Variants in LRRC28 observed in about 807,000 individuals in gnomAD.
LRRC28 encodes leucine rich repeat containing 28, also known as leucine-rich repeat-containing protein 28.
Under a neutral mutation model 45.7 loss-of-function variants are expected in LRRC28, and 39 were observed. The ratio of observed to expected loss-of-function variants is 0.85; its 90% CI spans 0.66 to 1.12. LRRC28 has a LOEUF of 1.12. Ranked by LOEUF, LRRC28 falls within the 50% of genes most tolerant of loss-of-function variation. The pLI, the probability that LRRC28 is intolerant of heterozygous loss-of-function variation, is 0.00. For synonymous variants in LRRC28, 206 were observed against 178.8 expected, an observed-to-expected ratio of 1.15 and a Z score of -1.22; for missense variants, 435 against 438.5, an observed-to-expected ratio of 0.99 and a Z score of 0.07.
chr15:99,386,201 C>T lies in LRRC28; in HGVS notation c.*99C>T, dbSNP rs1957985590. The T allele has an allele frequency of 5.5e-6, 5 of 904,232 alleles. No individual in the cohort carries two copies. The highest frequency in any genetic ancestry group is 9.1e-6 in the Non-Finnish European group (5 of 547,868). 56.0% of individuals were successfully genotyped at this position (904,232 alleles called of 1,614,324 possible). A position where few individuals can be genotyped will look rare whatever the true frequency, so the allele number is the denominator to read the frequency against. On this transcript the variant is annotated 3_prime_UTR_variant, in exon 10 of 10. Transcript: ENST00000301981. Reference sequence around the variant, plus strand: ...TCCTGTCCTGTCCAATGCGGGGGCACTGCAGAACTCTCTAGAAATGTCATG... The same window carrying T: ...TCCTGTCCTGTCCAATGCGGGGGCATTGCAGAACTCTCTAGAAATGTCATG...
chr15:99,383,158 C>G (rs1252562624), intron 9 of LRRC28, among the ~76,000 whole-genome samples: 1 of 152,192 alleles, frequency 6.6e-6, no homozygotes, highest in Non-Finnish European at 1.5e-5. Context: ...GGCTTATCTA[C>G]TTTCTGTCTC....
chr15:99,319,160 G>A (rs780147616), intron 5 of LRRC28, among the ~76,000 whole-genome samples: 22 of 152,054 alleles, frequency 1.4e-4, no homozygotes, highest in Admixed American at 6.6e-5. Flanking sequence ...TATTTCTTAA[G>A]GCAATGATTA....
At chr15:99,356,276 T>G (rs529749712) in intron 7 of LRRC28, among the ~76,000 whole-genome samples, 3 of 152,298 alleles carry the variant, frequency 2.0e-5, no homozygotes, top group South Asian at 4.1e-4. Flanking sequence ...ATGACCCAGA[T>G]TGTTGAAGTG....
chr15:99,323,307 G>C lies in LRRC28; in HGVS notation c.386-10616G>C, dbSNP rs183258600. 2.1e-3 allele frequency among the ~76,000 whole-genome samples: 318 copies of C among 152,244 alleles called. 1 individual carries two copies. Among genetic ancestry groups the C allele is most frequent in the Non-Finnish European group, 3.6e-3 (248 of 68,010 alleles). Reference sequence around the variant, plus strand: ...TAAGTACAATAATTTGGTGTTAAAGGATTTTAATCCTCATATCAGAGAGTC... The same window carrying C: ...TAAGTACAATAATTTGGTGTTAAAGCATTTTAATCCTCATATCAGAGAGTC... On this transcript the variant is annotated intron_variant, in intron 5 of 9. Coordinates refer to ENST00000301981, the MANE Select transcript of LRRC28 (RefSeq NM_144598.5).
rs1230599614 is a variant in LRRC28 at position 99,279,215 on chromosome 15, G to T, written c.209+2599G>T. On this transcript the variant is annotated intron_variant, in intron 3 of 9. Coordinates refer to ENST00000301981, the MANE Select transcript of LRRC28 (RefSeq NM_144598.5). ...AATGTTTTCAAGGTTTATTCATGTT[G>T]TAGCAGGTATCAGAATTAATTCCTT... is the stretch of plus-strand genomic sequence containing the variant. Among the ~76,000 whole-genome samples, 4 of 152,206 alleles carry T rather than the reference G, an allele frequency of 2.6e-5. 1 individual carries two copies. In the East Asian group the frequency reaches 7.7e-4, roughly 29 times the overall value.
intron 5 of LRRC28, among the ~76,000 whole-genome samples, chr15:99,297,047 G>C (rs1031190910): frequency 6.6e-6 from 1 of 151,946 alleles, no homozygotes; most frequent in African/African-American, 2.4e-5. Context: ...CGGGTGTGGT[G>C]GTGGGCGCCT....
intron 5 of LRRC28, among the ~76,000 whole-genome samples, chr15:99,327,379 T>C (rs556924561): frequency 8.5e-5 from 13 of 152,326 alleles, no homozygotes; most frequent in Non-Finnish European, 1.6e-4. Context: ...ACTAATTCAG[T>C]TTTTTAACTT....
chr15:99,285,161 CTCAG>C (rs2081924587), intron 3 of LRRC28: 1 of 723,702 alleles, frequency 1.4e-6, no homozygotes, highest in South Asian at 1.3e-5. Flanking sequence ...TTGTCACTGC[CTCAG>C]TCAGTCATGA....
chr15:99,379,173 T>C (rs1360777113), intron 9 of LRRC28, among the ~76,000 whole-genome samples: 1 of 152,152 alleles, frequency 6.6e-6, no homozygotes, highest in East Asian at 1.9e-4. Flanking sequence ...GTCCTGGACT[T>C]TTTTTGGTTG....
At chr15:99,272,572 T>A (rs973820660) in intron 2 of LRRC28, among the ~76,000 whole-genome samples, 5 of 152,216 alleles carry the variant, frequency 3.3e-5, no homozygotes, top group Non-Finnish European at 7.3e-5. Context: ...ACATTCCCAT[T>A]TAAGTGGAGT....
chr15:99,257,767 A>G (rs550088130), intron 2 of LRRC28: 5 of 776,882 alleles, frequency 6.4e-6, no homozygotes, highest in Admixed American at 5.1e-5. Context: ...AGGATGGATG[A>G]TGAAGTAGTA....
chr15:99,384,101 G>C (rs1957911989), intron 9 of LRRC28, among the ~76,000 whole-genome samples: 3 of 152,312 alleles, frequency 2.0e-5, no homozygotes, highest in Admixed American at 1.3e-4. Flanking sequence ...TCCAGGAGTA[G>C]ACCTTTCAAT....
At chr15:99,271,401 C>G (rs898920887) in intron 2 of LRRC28, among the ~76,000 whole-genome samples, 1 of 151,798 alleles carries the variant, frequency 6.6e-6, no homozygotes, top group African/African-American at 2.4e-5. Context: ...GCCTCAGCCT[C>G]CCAAATAGCT....
intron 5 of LRRC28, 142 bp downstream of exon 5, chr15:99,288,093 G>A: frequency 1.3e-6 from 1 of 784,420 alleles, no homozygotes; most frequent in South Asian, 4.3e-5. Flanking sequence ...TAAAGAATGG[G>A]TGAAATATTA....
At chr15:99,297,706 G>T (rs962639303) in intron 5 of LRRC28, among the ~76,000 whole-genome samples, 1 of 151,020 alleles carries the variant, frequency 6.6e-6, no homozygotes, top group Non-Finnish European at 1.5e-5. Flanking sequence ...TTTAAATTTA[G>T]ATTTTTACAT....
intron 2 of LRRC28, among the ~76,000 whole-genome samples, chr15:99,264,087 G>A (rs1423968835): frequency 6.6e-6 from 1 of 152,220 alleles, no homozygotes; most frequent in Non-Finnish European, 1.5e-5. Flanking sequence ...GAAGGGTGCT[G>A]CTCATAGGCC....
chr15:99,349,109 T>C (rs2152312789), intron 6 of LRRC28, among the ~76,000 whole-genome samples: 1 of 152,320 alleles, frequency 6.6e-6, no homozygotes, highest in South Asian at 2.1e-4. Context: ...CTATGAATTT[T>C]ATACGTTGAA....
intron 6 of LRRC28, chr15:99,337,837 G>T (rs1956376631): frequency 6.6e-6 from 1 of 152,308 alleles, no homozygotes; most frequent in South Asian, 2.1e-4. Context: ...GGGCCTGTGA[G>T]TAGGTTTTAC....
chr15:99,275,124 G>GTA (rs1248249404), intron 2 of LRRC28, among the ~76,000 whole-genome samples: 1 of 152,172 alleles, frequency 6.6e-6, no homozygotes, highest in Non-Finnish European at 1.5e-5. Context: ...GATATTATAT[G>GTA]TATATATATG....
Sources: gnomAD v4.1 joint callset for allele counts (sites outside exome capture counted in the v4.1 genomes callset) on GRCh38, gnomAD v4.1.1 for gene constraint, MANE v1.5 for transcripts, NCBI Gene and HGNC (gene_info 2026-07-23, HGNC 2026-07-21) for gene names.